Variants in SMURF1 observed in about 807,000 individuals in gnomAD.
SMURF1 encodes the protein E3 ubiquitin-protein ligase SMURF1.
A neutral mutation model predicts 98.0 loss-of-function variants in SMURF1; 44 were observed. The ratio of observed to expected loss-of-function variants is 0.45; its 90% CI spans 0.35 to 0.58. SMURF1 has a LOEUF of 0.58. SMURF1 is among the 20% of genes least tolerant of loss of function. The pLI is 0.00. For synonymous variants in SMURF1, 396 were observed against 374.9 expected, an observed-to-expected ratio of 1.06 and a Z score of -0.65; for missense variants, 687 against 938.4, an observed-to-expected ratio of 0.73 and a Z score of 3.50.
At chr7:99,046,044 G>A (rs374043781) in intron 10 of SMURF1, among the ~76,000 whole-genome samples, 2 of 151,992 alleles carry the variant, frequency 1.3e-5, no homozygotes, top group Admixed American at 6.6e-5. Context: ...AGGGAAACAC[G>A]TGTCTGTTTT....
chr7:99,057,657 T>G (rs1035905954), intron 3 of SMURF1, 106 bp from the exon 4 acceptor site: 1 of 1,312,964 alleles, frequency 7.6e-7, no homozygotes, highest in Non-Finnish European at 9.9e-7. Flanking sequence ...CAGGCTGGAG[T>G]GCAGTTGTGT....
chr7:99,063,251 A>ATATATATATATAAGATT (rs1796090173), intron 1 of SMURF1, among the ~76,000 whole-genome samples: 2 of 2,900 alleles, frequency 6.9e-4, no homozygotes, highest in Non-Finnish European at 1.7e-3. Flanking sequence ...TTATATATAT[A>ATATATATATATAAGATT]TATATATATA....
Position 99,033,050 on chromosome 7 carries a change from T to TCG in SMURF1, c.2081_2082dup (p.Lys695ArgfsTer26). On this transcript the variant is annotated frameshift_variant, in exon 17 of 18. Transcript: ENST00000361368. LOFTEE classifies it high-confidence loss of function. ...CGCGGTGCTTACCAGGTATGGGCCT[T>TCG]CGGAAGGTTGTCTGTGTTCGCGTCT... The TCG allele has an allele frequency of 6.3e-7, 1 of 1,596,882 alleles. No homozygotes were observed. Among genetic ancestry groups the TCG allele is most frequent in the Non-Finnish European group, 8.5e-7 (1 of 1,171,104 alleles).
At chr7:99,106,743 C>A (rs1797202888) in intron 1 of SMURF1, among the ~76,000 whole-genome samples, 1 of 152,186 alleles carries the variant, frequency 6.6e-6, no homozygotes, top group African/African-American at 2.4e-5. Flanking sequence ...GAGACCTTGT[C>A]TCTTGAAAAA....
chr7:99,083,712 A>G (rs893370477), intron 1 of SMURF1, among the ~76,000 whole-genome samples: 3 of 152,200 alleles, frequency 2.0e-5, no homozygotes, highest in African/African-American at 7.2e-5. Context: ...TACAAACTGC[A>G]TTCTTTGGAT....
intron 1 of SMURF1, among the ~76,000 whole-genome samples, chr7:99,092,947 T>C (rs1231977827): frequency 6.6e-6 from 1 of 152,184 alleles, no homozygotes; most frequent in East Asian, 1.9e-4. Flanking sequence ...AGAACACACC[T>C]ACTGAGAATA....
intron 13 of SMURF1, among the ~76,000 whole-genome samples, chr7:99,039,333 T>C (rs1795281375): frequency 1.3e-5 from 2 of 150,190 alleles, no homozygotes; most frequent in South Asian, 2.1e-4. Context: ...CTAGGCAGAG[T>C]GGAAGATTTT....
chr7:99,112,267 T>C (rs1797341803), intron 1 of SMURF1, among the ~76,000 whole-genome samples: 1 of 152,206 alleles, frequency 6.6e-6, no homozygotes, highest in Non-Finnish European at 1.5e-5. Context: ...GTAAAATGCC[T>C]GGCTGCACCT....
intron 7 of SMURF1, 139 bp from the exon 8 acceptor site, chr7:99,051,580 T>C (rs1472287198): frequency 1.4e-6 from 1 of 699,892 alleles, no homozygotes; most frequent in Non-Finnish European, 2.5e-6. Context: ...CTCTCTGAGG[T>C]GGCCGAATAA....
intron 1 of SMURF1, among the ~76,000 whole-genome samples, chr7:99,104,737 C>T (rs1015847065): frequency 6.6e-6 from 1 of 152,150 alleles, no homozygotes; most frequent in Non-Finnish European, 1.5e-5. Flanking sequence ...TAAACTGCTT[C>T]CAATTTTCTG....
At chr7:99,140,431 C>T (rs1161168862) in intron 1 of SMURF1, among the ~76,000 whole-genome samples, 1 of 151,854 alleles carries the variant, frequency 6.6e-6, no homozygotes, top group African/African-American at 2.4e-5. Context: ...GGACTACAGG[C>T]GCCCGCCACC....
intron 1 of SMURF1, among the ~76,000 whole-genome samples, chr7:99,127,893 C>G (rs951464689): frequency 6.6e-6 from 1 of 152,118 alleles, no homozygotes; most frequent in African/African-American, 2.4e-5. Context: ...ATATAAACAA[C>G]GCTACTACAT....
rs190897825 is a variant in SMURF1 at position 99,115,304 on chromosome 7, G to A, written c.55+28422C>T. Among the ~76,000 whole-genome samples, 12 of 152,184 alleles carry A rather than the reference G, an allele frequency of 7.9e-5. No individual in the cohort carries two copies. The East Asian group carries it at 2.3e-3, about 29-fold the overall frequency. On this transcript the variant is annotated intron_variant, in intron 1 of 17. Transcript: ENST00000361368. ...CACTAGAAATAAAAAAATGAAAGTG[G>A]GGACACGGGCCAGTGCAGTGGCTCA... is the stretch of plus-strand genomic sequence containing the variant.
At chr7:99,106,599 G>A (rs1237927195) in intron 1 of SMURF1, among the ~76,000 whole-genome samples, 1 of 152,218 alleles carries the variant, frequency 6.6e-6, no homozygotes, top group Non-Finnish European at 1.5e-5. Context: ...AAGTCAGACA[G>A]GTGGCCAGCC....
At chr7:99,119,082 G>C (rs1029932512) in intron 1 of SMURF1, among the ~76,000 whole-genome samples, 1 of 117,366 alleles carries the variant, frequency 8.5e-6, no homozygotes, top group African/African-American at 3.3e-5. Context: ...GCCTGGTCTT[G>C]AATTCCTGAT....
chr7:99,079,147 G>C (rs1315463394), intron 1 of SMURF1, among the ~76,000 whole-genome samples: 1 of 152,220 alleles, frequency 6.6e-6, no homozygotes, highest in African/African-American at 2.4e-5. Context: ...GCCCAGAGGA[G>C]GCCACTAGAG....
chr7:99,085,731 T>C (rs559263034), intron 1 of SMURF1, among the ~76,000 whole-genome samples: 2 of 152,302 alleles, frequency 1.3e-5, no homozygotes, highest in South Asian at 2.1e-4. Context: ...TTCGCTGCCC[T>C]AAAAAATCCT....
At chr7:99,118,690 G>A (rs1254970907) in intron 1 of SMURF1, among the ~76,000 whole-genome samples, 1 of 152,144 alleles carries the variant, frequency 6.6e-6, no homozygotes, top group Non-Finnish European at 1.5e-5. Context: ...TGGGGGTGAT[G>A]AAAATGTTCT....
intron 1 of SMURF1, among the ~76,000 whole-genome samples, chr7:99,135,885 C>A (rs568127220): frequency 1.3e-5 from 2 of 152,344 alleles, no homozygotes; most frequent in Non-Finnish European, 2.9e-5. Flanking sequence ...TGTTTTTCCA[C>A]ACTCTTGTCT....
Sources: allele counts gnomAD v4.1 joint callset (sites outside exome capture counted in the v4.1 genomes callset), GRCh38; gene constraint gnomAD v4.1.1; transcripts MANE v1.5; gene names NCBI Gene and HGNC (gene_info 2026-07-23, HGNC 2026-07-21).